Variants in MEI4 observed in about 807,000 individuals in gnomAD.
The protein encoded by MEI4 is meiotic double-stranded break formation protein 4, also known as meiosis-specific protein MEI4.
In MEI4, 27 loss-of-function variants were observed where a neutral mutation model predicts 31.4. The ratio of observed to expected loss-of-function variants is 0.86; its 90% CI spans 0.63 to 1.19. MEI4 has a LOEUF of 1.19. Ranked by LOEUF, MEI4 falls within the 50% of genes most tolerant of loss-of-function variation. The pLI, the probability that MEI4 is intolerant of heterozygous loss-of-function variation, is 0.00. For missense variants in MEI4, 329 were observed against 398.9 expected, an observed-to-expected ratio of 0.82 and a Z score of 1.49; for synonymous variants, 122 against 145.4, an observed-to-expected ratio of 0.84 and a Z score of 1.16.
intron 4 of MEI4, among the ~76,000 whole-genome samples, chr6:77,920,693 C>T (rs1766682574): frequency 6.6e-6 from 1 of 151,912 alleles, no homozygotes; most frequent in South Asian, 2.1e-4. Flanking sequence ...TTAAATAAGA[C>T]TTATAAACAA....
At chr6:77,836,675 TAAAG>T (rs1243191441) in intron 4 of MEI4, among the ~76,000 whole-genome samples, 3 of 152,098 alleles carry the variant, frequency 2.0e-5, no homozygotes, top group South Asian at 2.1e-4. Flanking sequence ...TTTAATAAGA[TAAAG>T]AAAAGTAATC....
intron 4 of MEI4, among the ~76,000 whole-genome samples, chr6:77,844,935 C>T (rs1023525304): frequency 3.3e-5 from 5 of 152,144 alleles, no homozygotes; most frequent in Non-Finnish European, 7.4e-5. Context: ...ACTGCATTCT[C>T]AGCTTGTGTG....
chr6:77,818,926 T>C (rs1421708750), intron 3 of MEI4, among the ~76,000 whole-genome samples: 2 of 152,210 alleles, frequency 1.3e-5, no homozygotes, highest in East Asian at 3.9e-4. Flanking sequence ...TTTGTAGGTA[T>C]AGGGTCTCAC....
intron 3 of MEI4, among the ~76,000 whole-genome samples, chr6:77,791,203 A>G (rs1233749624): frequency 5.3e-5 from 8 of 152,136 alleles, no homozygotes; most frequent in African/African-American, 7.2e-5. Flanking sequence ...AAGATTATAA[A>G]TCATGCTGCT....
At chr6:77,863,502 A>G (rs924579867) in intron 4 of MEI4, among the ~76,000 whole-genome samples, 1 of 152,208 alleles carries the variant, frequency 6.6e-6, no homozygotes, top group Non-Finnish European at 1.5e-5. Context: ...GATCAAATGA[A>G]TGAAATGAAG....
At chr6:77,867,042 C>G (rs907220823) in intron 4 of MEI4, among the ~76,000 whole-genome samples, 1 of 152,176 alleles carries the variant, frequency 6.6e-6, no homozygotes, top group African/African-American at 2.4e-5. Flanking sequence ...GAAACTGGAT[C>G]TCTTCCTTAA....
At chr6:77,751,793 A>C (rs551209635) in intron 2 of MEI4, among the ~76,000 whole-genome samples, 3 of 152,192 alleles carry the variant, frequency 2.0e-5, no homozygotes, top group Admixed American at 2.0e-4. Context: ...TGATACCAAA[A>C]CCTGGCAGAG....
chr6:77,851,917 C>T (rs959535240), intron 4 of MEI4, among the ~76,000 whole-genome samples: 2 of 152,046 alleles, frequency 1.3e-5, no homozygotes, highest in Non-Finnish European at 2.9e-5. Flanking sequence ...ACTTAACTTG[C>T]TTATTTGTAA....
At chr6:77,708,770 G>C (rs930722027) in intron 2 of MEI4, among the ~76,000 whole-genome samples, 2 of 152,116 alleles carry the variant, frequency 1.3e-5, no homozygotes, top group South Asian at 2.1e-4. Context: ...CACCTCCCCT[G>C]TCTCTTGCCC....
At chr6:77,705,951 T>A (rs1319667584) in intron 2 of MEI4, among the ~76,000 whole-genome samples, 2 of 152,196 alleles carry the variant, frequency 1.3e-5, no homozygotes, top group Non-Finnish European at 2.9e-5. Context: ...TTCACAGTTT[T>A]GTGGACTCAG....
chr6:77,867,232 A>G (rs1771056534), intron 4 of MEI4, among the ~76,000 whole-genome samples: 1 of 152,244 alleles, frequency 6.6e-6, no homozygotes, highest in Admixed American at 6.5e-5. Context: ...ATGGGATCTA[A>G]TTAAACTAAA....
chr6:77,779,818 T>C (rs747886006), intron 3 of MEI4, among the ~76,000 whole-genome samples: 5 of 152,140 alleles, frequency 3.3e-5, no homozygotes, highest in Non-Finnish European at 7.3e-5. Context: ...GTTGTTCATG[T>C]TCATTTTGAG....
At chr6:77,827,147 T>C (rs1769972389) in intron 3 of MEI4, among the ~76,000 whole-genome samples, 1 of 151,592 alleles carries the variant, frequency 6.6e-6, no homozygotes, top group African/African-American at 2.4e-5. Context: ...GATCACGAGG[T>C]TAGGAGATCA....
At chr6:77,799,446 C>CT (rs1334775625) in intron 3 of MEI4, among the ~76,000 whole-genome samples, 42 of 152,186 alleles carry the variant, frequency 2.8e-4, no homozygotes, top group African/African-American at 1.0e-3. Flanking sequence ...TGTAGGTTGC[C>CT]TATTCAATCT....
intron 1 of MEI4, among the ~76,000 whole-genome samples, chr6:77,684,738 C>A (rs1417887664): frequency 6.6e-6 from 1 of 152,096 alleles, no homozygotes; most frequent in Non-Finnish European, 1.5e-5. Context: ...ACCACATTTT[C>A]TTTTAACATT....
intron 4 of MEI4, among the ~76,000 whole-genome samples, chr6:77,841,868 G>A (rs1770374727): frequency 6.6e-6 from 1 of 152,034 alleles, no homozygotes; most frequent in African/African-American, 2.4e-5. Flanking sequence ...AATGAGAAAA[G>A]TGTCCATTCA....
chr6:77,739,830 G>C (rs1339255881), intron 2 of MEI4, among the ~76,000 whole-genome samples: 2 of 151,384 alleles, frequency 1.3e-5, no homozygotes, highest in African/African-American at 2.4e-5. Context: ...ATTATTTCTT[G>C]TCTTCTGCTA....
intron 3 of MEI4, among the ~76,000 whole-genome samples, chr6:77,768,297 G>A (rs1045620716): frequency 1.3e-5 from 2 of 152,072 alleles, no homozygotes; most frequent in East Asian, 3.9e-4. Context: ...ATGGGTTAAA[G>A]AAAATATTCA....
chr6:77,822,017 C>T, intron 3 of MEI4, among the ~76,000 whole-genome samples: 1 of 151,946 alleles, frequency 6.6e-6, no homozygotes. Flanking sequence ...GCAGAGCAAC[C>T]CCAGCTTATT....
Sources: allele counts gnomAD v4.1 joint callset (sites outside exome capture counted in the v4.1 genomes callset), GRCh38; gene constraint gnomAD v4.1.1; transcripts MANE v1.5; gene names NCBI Gene and HGNC (gene_info 2026-07-23, HGNC 2026-07-21).